Variants in MED12L observed in about 807,000 individuals in gnomAD.
The protein encoded by MED12L is mediator complex subunit 12L, also known as mediator of RNA polymerase II transcription subunit 12-like protein.
A neutral mutation model predicts 281.3 loss-of-function variants in MED12L; 60 were observed. The ratio of observed to expected loss-of-function variants is 0.21; its 90% confidence interval spans 0.17 to 0.26. The LOEUF (loss-of-function observed/expected upper bound fraction) is 0.26. Among genes scored for constraint, MED12L ranks in the 10% least tolerant of loss-of-function variants. MED12L has a pLI of 1.00. For missense variants in MED12L, 2,146 were observed against 2,680.9 expected (o/e 0.80, Z 4.41); for synonymous variants, 974 against 987.2 (o/e 0.99, Z 0.25).
At chr3:151,213,323 G>T in intron 16 of MED12L, 1 of 1,611,020 alleles carries the variant, frequency 6.2e-7, no homozygotes, top group Non-Finnish European at 8.5e-7. Context: ...GTGCTTTCAA[G>T]TGTTGTATTT....
rs1351547856 is a variant in MED12L, at chr3:151,433,901, A to G, written c.*1097A>G. 2 of 152,806 alleles carry G rather than the reference A, an allele frequency of 1.3e-5. No individual in the cohort carries two copies. Among genetic ancestry groups the G allele is most frequent in the East Asian group, 3.9e-4 (2 of 5,194 alleles). 9.5% of individuals were successfully genotyped at this position (152,806 alleles called of 1,614,324 possible). ...AAATTGGTGCAAAAAGCACAAGTAA[A>G]TTATACATCAAATTTATTATAAAGA... is the stretch of plus-strand genomic sequence containing the variant. On this transcript the variant is annotated 3_prime_UTR_variant, in exon 45 of 45. Coordinates refer to ENST00000687756, the MANE Select transcript of MED12L (RefSeq NM_001393769.1).
At chr3:151,432,258 G>C (rs765234882) in intron 44 of MED12L, among the ~76,000 whole-genome samples, 4 of 152,184 alleles carry the variant, frequency 2.6e-5, no homozygotes, top group Non-Finnish European at 4.4e-5. Flanking sequence ...ATAGGCACAC[G>C]CTTGAGTCAT....
At chr3:151,092,311 T>C (rs1720155816) in intron 2 of MED12L, among the ~76,000 whole-genome samples, 1 of 152,152 alleles carries the variant, frequency 6.6e-6, no homozygotes, top group Admixed American at 6.5e-5. Flanking sequence ...TTGTAGCGCT[T>C]GTCACTGAAA....
intron 11 of MED12L, among the ~76,000 whole-genome samples, chr3:151,171,110 G>C (rs1029846958): frequency 4.1e-4 from 62 of 152,174 alleles, no homozygotes; most frequent in African/African-American, 1.4e-3. Context: ...TCTACAACAT[G>C]TACTCACTTA....
intron 16 of MED12L, among the ~76,000 whole-genome samples, chr3:151,209,312 C>CAT (rs1226318460): frequency 6.6e-6 from 1 of 152,132 alleles, no homozygotes; most frequent in South Asian, 2.1e-4. Context: ...AGCTGATTCA[C>CAT]ATGTAATATT....
chr3:151,137,922 A>G (rs1716386137), intron 5 of MED12L, among the ~76,000 whole-genome samples: 1 of 151,930 alleles, frequency 6.6e-6, no homozygotes, highest in South Asian at 2.1e-4. Flanking sequence ...TTATGAACTA[A>G]TTTTATATTT....
intron 16 of MED12L, among the ~76,000 whole-genome samples, chr3:151,270,681 A>G (rs571553300): frequency 3.9e-5 from 6 of 152,258 alleles, no homozygotes; most frequent in African/African-American, 1.4e-4. Context: ...TGAGTTTGAG[A>G]TGTTTGGGTG....
chr3:151,089,917 A>T (rs960541726), intron 2 of MED12L, among the ~76,000 whole-genome samples: 8 of 152,164 alleles, frequency 5.3e-5, no homozygotes, highest in Admixed American at 1.3e-4. Context: ...CTCTACATCC[A>T]TGCGCACATC....
chr3:151,118,480 G>A (rs1036516078), intron 3 of MED12L, among the ~76,000 whole-genome samples: 5 of 151,874 alleles, frequency 3.3e-5, no homozygotes, highest in African/African-American at 4.8e-5. Context: ...AATTTTTTAC[G>A]TTACAACCGC....
At chr3:151,226,211 A>G (rs1730463185) in intron 16 of MED12L, among the ~76,000 whole-genome samples, 1 of 152,170 alleles carries the variant, frequency 6.6e-6, no homozygotes, top group South Asian at 2.1e-4. Flanking sequence ...GGAGCATGTG[A>G]TAGTGAAGAT....
intron 43 of MED12L, chr3:151,425,652 C>G: frequency 2.2e-6 from 1 of 456,472 alleles, no homozygotes; most frequent in Non-Finnish European, 4.4e-6. Flanking sequence ...ATTAGTTATA[C>G]CTGACAGTAG....
chr3:151,369,506 A>G lies in MED12L; in HGVS notation c.3621A>G (p.Glu1207=), dbSNP rs368096757. 23 of 1,612,030 alleles carry G rather than the reference A, an allele frequency of 1.4e-5. No homozygotes were observed. The African/African-American group carries it at 2.9e-4, about 21-fold the overall frequency. ...HLLAAAHNSI[E]VGAVFAVLKA... ...TAGCCGCTGCTCACAACAGCATTGA[A>G]GTGGGAGCCGTGTTTGCTGTCTTAA... The change falls in exon 26 of 45, where the codon GAA becomes GAG. Residue 1207 remains glutamate (E), a synonymous_variant. Transcript: ENST00000687756.
chr3:151,337,686 TA>T, intron 16 of MED12L: 1 of 920,992 alleles, frequency 1.1e-6, no homozygotes, highest in Non-Finnish European at 1.6e-6. Context: ...ATTGCTTTTG[TA>T]ATCTTCTGTT....
chr3:151,327,113 T>G (rs1340005031), intron 16 of MED12L: 3 of 152,222 alleles, frequency 2.0e-5, no homozygotes, highest in Admixed American at 6.5e-5. Context: ...TTTTAGCGGA[T>G]GCAGTCAAGA....
intron 5 of MED12L, among the ~76,000 whole-genome samples, chr3:151,128,804 A>T (rs1714924755): frequency 6.6e-6 from 1 of 152,210 alleles, no homozygotes; most frequent in Non-Finnish European, 1.5e-5. Context: ...TGTTTAAAAT[A>T]TTTGTATCTG....
intron 43 of MED12L, among the ~76,000 whole-genome samples, chr3:151,418,119 A>T (rs1717832797): frequency 6.6e-6 from 1 of 152,086 alleles, no homozygotes; most frequent in Non-Finnish European, 1.5e-5. Context: ...CTTTACCCAG[A>T]TTTACTAATT....
chr3:151,305,862 A>G (rs558471163), intron 16 of MED12L, among the ~76,000 whole-genome samples: 9 of 152,346 alleles, frequency 5.9e-5, no homozygotes, highest in African/African-American at 2.2e-4. Context: ...TGTTGAAAAC[A>G]TCAGGAAATT....
chr3:151,261,765 T>A lies in MED12L; in HGVS notation c.2250+68099T>A, dbSNP rs534387635. On this transcript the variant is annotated intron_variant, in intron 16 of 44. Transcript: ENST00000687756. The stretch of plus-strand genomic sequence containing the variant: ...TTTGAGACAGAGTCTTGCTGTGTCA[T>A]CCAGGCCACAGTGCAGTGGTATGAT... 3.3e-5 allele frequency among the ~76,000 whole-genome samples: 5 copies of A among 152,174 alleles called. No individual in the cohort carries two copies. In the South Asian group the frequency reaches 1.0e-3, roughly 32 times the overall value.
intron 13 of MED12L, among the ~76,000 whole-genome samples, chr3:151,190,219 T>A (rs1723792691): frequency 6.6e-6 from 1 of 151,910 alleles, no homozygotes; most frequent in South Asian, 2.1e-4. Flanking sequence ...TCGCCTAGGC[T>A]GGGGTACAGT....
Sources: gnomAD v4.1 joint callset for allele counts (sites outside exome capture counted in the v4.1 genomes callset) on GRCh38, gnomAD v4.1.1 for gene constraint, MANE v1.5 for transcripts, NCBI Gene and HGNC (gene_info 2026-07-23, HGNC 2026-07-21) for gene names.